Variants in CAMKK2 observed in about 807,000 individuals in gnomAD.
CAMKK2 encodes calcium/calmodulin-dependent protein kinase kinase 2.
Under a neutral mutation model 67.2 loss-of-function variants are expected in CAMKK2, and 30 were observed. The observed-to-expected ratio is 0.45, with a 90% CI of 0.33 to 0.61. CAMKK2 has a LOEUF of 0.61. CAMKK2 is among the 20% of genes least tolerant of loss of function. The pLI is 0.02. For synonymous variants in CAMKK2, 322 were observed against 326.2 expected (o/e 0.99, Z 0.14); for missense variants, 643 against 802.0 (o/e 0.80, Z 2.39).
intron 1 of CAMKK2, among the ~76,000 whole-genome samples, chr12:121,282,295 G>A (rs989780277): frequency 3.3e-5 from 5 of 152,096 alleles, no homozygotes; most frequent in Admixed American, 1.3e-4. Context: ...TGTGGGAAGT[G>A]GATGATGATG....
chr12:121,257,391 C>T (rs987133701), intron 7 of CAMKK2, among the ~76,000 whole-genome samples: 2 of 152,048 alleles, frequency 1.3e-5, no homozygotes, highest in Non-Finnish European at 2.9e-5. Flanking sequence ...GGACTACAGG[C>T]ACCTGCCACC....
intron 1 of CAMKK2, among the ~76,000 whole-genome samples, chr12:121,283,047 G>T (rs947233140): frequency 6.6e-6 from 1 of 152,072 alleles, no homozygotes; most frequent in African/African-American, 2.4e-5. Flanking sequence ...GAGCCACCAC[G>T]CCCTGCCTAA....
At chr12:121,290,849 C>T (rs988806800) in intron 1 of CAMKK2, among the ~76,000 whole-genome samples, 7 of 152,176 alleles carry the variant, frequency 4.6e-5, no homozygotes, top group African/African-American at 1.2e-4. Context: ...CACGGAGTCT[C>T]GCTCTGTCAC....
intron 1 of CAMKK2, among the ~76,000 whole-genome samples, chr12:121,295,019 A>G (rs2136689999): frequency 6.6e-6 from 1 of 152,212 alleles, no homozygotes; most frequent in African/African-American, 2.4e-5. Flanking sequence ...AAAATACAGA[A>G]ATTAGCCAGG....
chr12:121,261,046 G>A (rs1184883950), intron 6 of CAMKK2, among the ~76,000 whole-genome samples: 4 of 145,566 alleles, frequency 2.7e-5, no homozygotes, highest in South Asian at 2.1e-4. Flanking sequence ...GTGACTCCAC[G>A]AAGCCTCCCC....
intron 6 of CAMKK2, chr12:121,260,560 C>G (rs1212089588): frequency 3.4e-6 from 2 of 585,702 alleles, no homozygotes; most frequent in Non-Finnish European, 6.0e-6. Flanking sequence ...AAAATAAATG[C>G]CTCTCTGTCT....
chr12:121,281,209 C>T (rs112615577), intron 1 of CAMKK2, among the ~76,000 whole-genome samples: 7 of 152,384 alleles, frequency 4.6e-5, no homozygotes, highest in African/African-American at 1.4e-4. Flanking sequence ...CCGCTAGACG[C>T]GGGCCTCCAG....
chr12:121,278,774 G>A (rs1897237500), intron 1 of CAMKK2, among the ~76,000 whole-genome samples: 1 of 152,210 alleles, frequency 6.6e-6, no homozygotes, highest in Admixed American at 6.5e-5. Context: ...CCAGTCTCGG[G>A]TATGTCTTTA....
At chr12:121,249,754 C>G in intron 13 of CAMKK2, 33 bp downstream of exon 13, 1 of 1,590,274 alleles carries the variant, frequency 6.3e-7, no homozygotes, top group Non-Finnish European at 8.6e-7. Context: ...CCAAACAATT[C>G]CGAGCACGGG....
intron 1 of CAMKK2, among the ~76,000 whole-genome samples, chr12:121,295,716 T>C (rs560131324): frequency 6.6e-6 from 1 of 152,224 alleles, no homozygotes; most frequent in East Asian, 1.9e-4. Flanking sequence ...TATCCCTCTC[T>C]TGCTGATAGC....
chr12:121,259,390 C>A (rs1390858184), intron 7 of CAMKK2, among the ~76,000 whole-genome samples: 2 of 152,166 alleles, frequency 1.3e-5, no homozygotes, highest in Non-Finnish European at 2.9e-5. Flanking sequence ...CCCTGATGAA[C>A]CTACAGCAGG....
chr12:121,244,743 C>T (rs376101932), intron 15 of CAMKK2, 128 bp from the exon 16 acceptor site: 8 of 746,356 alleles, frequency 1.1e-5, no homozygotes, highest in African/African-American at 1.1e-4. Context: ...GCCAGGGTGG[C>T]GTTGACAGCA....
At chr12:121,261,962 A>C (rs1893544728) in intron 6 of CAMKK2, among the ~76,000 whole-genome samples, 1 of 152,248 alleles carries the variant, frequency 6.6e-6, no homozygotes, top group African/African-American at 2.4e-5. Flanking sequence ...AGATGTCTGC[A>C]GATCCCCAAG....
At chr12:121,294,556 C>A (rs901863800) in intron 1 of CAMKK2, among the ~76,000 whole-genome samples, 8 of 152,210 alleles carry the variant, frequency 5.3e-5, no homozygotes, top group Non-Finnish European at 1.2e-4. Context: ...CTGGGCTCCT[C>A]AAGAAGCTCA....
At chr12:121,278,653 T>A (rs1897217257) in intron 1 of CAMKK2, among the ~76,000 whole-genome samples, 1 of 152,250 alleles carries the variant, frequency 6.6e-6, no homozygotes, top group Non-Finnish European at 1.5e-5. Flanking sequence ...CGCTGCCTGC[T>A]GCCGTCCATG....
intron 1 of CAMKK2, among the ~76,000 whole-genome samples, chr12:121,277,417 C>T (rs755933394): frequency 1.3e-5 from 2 of 152,204 alleles, no homozygotes; most frequent in East Asian, 1.9e-4. Context: ...GGGATTCAAA[C>T]GGATACTTGT....
At chr12:121,261,299 C>T (rs118170190) in intron 6 of CAMKK2, among the ~76,000 whole-genome samples, 4,052 of 152,256 alleles carry the variant, frequency 0.027, 79 homozygotes, top group Non-Finnish European at 0.039. Context: ...AGAAAAGACA[C>T]CCTGCCAGGA....
At chr12:121,252,502 T>TCTGGTGATCCGC (rs71079043) in intron 11 of CAMKK2, among the ~76,000 whole-genome samples, 159 bp downstream of exon 11, 114,865 of 151,796 alleles carry the variant, frequency 0.76, 43,479 homozygotes, top group African/African-American at 0.77. Context: ...ACTCCTAACC[T>TCTGGTGATCCGC]CTGCCTCAGC....
chr12:121,270,126 C>T (rs1001401643), intron 3 of CAMKK2, among the ~76,000 whole-genome samples: 1 of 152,018 alleles, frequency 6.6e-6, no homozygotes, highest in African/African-American at 2.4e-5. Context: ...AATCCCAGCA[C>T]TTTGGGAGGC....
Sources: gnomAD v4.1 joint callset for allele counts (sites outside exome capture counted in the v4.1 genomes callset) on GRCh38, gnomAD v4.1.1 for gene constraint, MANE v1.5 for transcripts, NCBI Gene and HGNC (gene_info 2026-07-23, HGNC 2026-07-21) for gene names.